The following CLEC16A variants were observed in gnomAD, a reference collection of about 807,000 sequenced individuals.
CLEC16A encodes C-type lectin domain containing 16A.
A neutral mutation model predicts 109.5 loss-of-function variants in CLEC16A; 51 were observed. The observed-to-expected ratio is 0.47, with a 90% confidence interval of 0.37 to 0.59. The LOEUF (loss-of-function observed/expected upper bound fraction) is 0.59. Ranked by LOEUF, CLEC16A falls within the 20% of genes least tolerant of loss-of-function variation. The pLI is 0.00. For synonymous variants in CLEC16A, 673 were observed against 564.2 expected (o/e 1.19, Z -2.73); for missense variants, 1,339 against 1,394.0 (o/e 0.96, Z 0.63).
chr16:11,024,893 C>T lies in CLEC16A; in HGVS notation c.1509C>T (p.Cys503=), dbSNP rs757091029. ...DDDYHALFVL[C]LLYAMSHNKG... ...ATTACCATGCCCTGTTCGTGCTCTG[C>T]CTCCTCTATGCCATGTCTCATAATA... is the stretch of plus-strand genomic sequence containing the variant. Residue 503 remains cysteine (C), a synonymous_variant, in exon 13 of 24, where the codon TGC becomes TGT. Coordinates refer to ENST00000409790, the MANE Select transcript of CLEC16A (RefSeq NM_015226.3). 1 of 1,609,486 alleles carries T rather than the reference C, an allele frequency of 6.2e-7. No individual in the cohort carries two copies. The highest frequency in any genetic ancestry group is 1.1e-5 in the South Asian group (1 of 89,786).
Position 10,971,000 on chromosome 16 carries a change from T to G in CLEC16A, c.493-125T>G, listed in dbSNP as rs1596808634. 7.7e-6 allele frequency: 5 copies of G among 649,706 alleles called. No individual in the cohort carries two copies. The East Asian group carries it at 1.1e-4, about 14-fold the overall frequency. 40.2% of individuals were successfully genotyped at this position (649,706 alleles called of 1,614,324 possible). A position where few individuals can be genotyped will look rare whatever the true frequency, so the allele number is the denominator to read the frequency against. ...ATGAACCACTGACTTACGGTTCACATTGGCAACATTTTTTTTTTTTTTTTT... is the reference window on the plus strand; with the variant it reads ...ATGAACCACTGACTTACGGTTCACAGTGGCAACATTTTTTTTTTTTTTTTT... On this transcript the variant is annotated intron_variant, in intron 4 of 23. Transcript: ENST00000409790.
In CLEC16A at chr16:10,979,357, C is replaced by A; in HGVS notation, c.932C>A (p.Pro311Gln). The A allele has an allele frequency of 4.3e-6, 7 of 1,613,088 alleles. No individual in the cohort carries two copies. Among genetic ancestry groups the A allele is most frequent in the Non-Finnish European group, 5.9e-6 (7 of 1,179,636 alleles). The change falls in exon 9 of 24, where the codon CCG becomes CAG. Residue 311 changes from proline to glutamine, a missense_variant. Physicochemically the swap from Pro to Gln is moderately conservative, Grantham distance 76. Around this residue, in one of 3 missense-constraint regions of CLEC16A, gnomAD observed 161 missense variants for 267.1 expected, o/e 0.60. Transcript: ENST00000409790. ...GGAGAACGGCCGAAAATTAGCCTGC[C>A]GGTGTCTCTTTATCTTCTGTCACAG... is the stretch of plus-strand genomic sequence containing the variant. ...KGGERPKISL[P>Q]VSLYLLSQVF... is the part of the protein sequence containing the mutation.
At chr16:11,127,442 T>A (rs1288774319) in intron 22 of CLEC16A, among the ~76,000 whole-genome samples, 1 of 152,256 alleles carries the variant, frequency 6.6e-6, no homozygotes, top group Non-Finnish European at 1.5e-5. Flanking sequence ...GTCTGTGTGA[T>A]AAATTCCTAG....
chr16:11,028,214 C>A (rs759283096), intron 13 of CLEC16A, among the ~76,000 whole-genome samples: 34 of 152,104 alleles, frequency 2.2e-4, no homozygotes, highest in African/African-American at 7.7e-4. Context: ...AAAGAAAAGA[C>A]AGTAGCTTAT....
chr16:11,094,128 G>A (rs1013996645), intron 19 of CLEC16A, among the ~76,000 whole-genome samples: 5 of 152,140 alleles, frequency 3.3e-5, no homozygotes, highest in African/African-American at 1.2e-4. Flanking sequence ...TCATGCCCTG[G>A]TCTCAACCTT....
intron 3 of CLEC16A, among the ~76,000 whole-genome samples, chr16:10,964,548 C>T (rs557039090): frequency 7.9e-5 from 12 of 152,266 alleles, no homozygotes; most frequent in South Asian, 4.1e-4. Context: ...GTGTTCAGAG[C>T]GAGGCACAGG....
chr16:11,119,082 A>T (rs1252553681), intron 19 of CLEC16A, among the ~76,000 whole-genome samples: 4 of 151,962 alleles, frequency 2.6e-5, no homozygotes, highest in Admixed American at 1.3e-4. Context: ...GCTCACTGCA[A>T]CTTCGCCTCT....
intron 22 of CLEC16A, among the ~76,000 whole-genome samples, chr16:11,145,293 G>T (rs143097626): frequency 6.6e-6 from 1 of 152,186 alleles, no homozygotes; most frequent in African/African-American, 2.4e-5. Flanking sequence ...CGGGCTACCC[G>T]TGGGGCCCGA....
intron 13 of CLEC16A, among the ~76,000 whole-genome samples, chr16:11,025,508 T>C (rs890613634): frequency 2.6e-5 from 4 of 152,184 alleles, no homozygotes; most frequent in African/African-American, 9.7e-5. Flanking sequence ...CTGGGAATAG[T>C]TACTGTTGTT....
At chr16:11,035,715 C>T (rs1296900647) in intron 13 of CLEC16A, among the ~76,000 whole-genome samples, 1 of 152,230 alleles carries the variant, frequency 6.6e-6, no homozygotes, top group African/African-American at 2.4e-5. Context: ...TCAGAGCTTA[C>T]CATGCGAAGG....
Position 10,961,968 on chromosome 16 carries a change from C to CTTTTTTTTTT in CLEC16A, c.210-482_210-473dup, listed in dbSNP as rs5815604. On this transcript the variant is annotated intron_variant, in intron 2 of 23. Transcript: ENST00000409790. The surrounding 1 kb of genome is among the most constrained non-coding windows in gnomAD (Gnocchi z 4.3). ...TTGGGAACTTTTTTTTCTTTTTTTT[C>CTTTTTTTTTT]TTTTTTTTTTTTTTGGCTCTGTCAC... is the stretch of plus-strand genomic sequence containing the variant. Among the ~76,000 whole-genome samples the CTTTTTTTTTT allele has an allele frequency of 1.2e-4, 16 of 135,306 alleles. No homozygotes were observed. The highest frequency in any genetic ancestry group is 1.9e-4 in the Non-Finnish European group (12 of 63,782). The allele number at this position is 135,306 out of a possible 152,430, so 88.8% of individuals were successfully genotyped here.
Position 10,961,048 on chromosome 16 carries a change from ACCCTGTCAAT to A in CLEC16A, c.210-1403_210-1394del, listed in dbSNP as rs543476796. 7.2e-5 allele frequency among the ~76,000 whole-genome samples: 11 copies of A among 152,242 alleles called. No homozygotes were observed. The South Asian group carries it at 2.3e-3, about 32-fold the overall frequency. On this transcript the variant is annotated intron_variant, in intron 2 of 23. Transcript: ENST00000409790. The surrounding 1 kb of genome is among the most constrained non-coding windows in gnomAD (Gnocchi z 4.3). ...GGTTCATGGATTTTATGCTAGACCT[ACCCTGTCAAT>A]CCCCGGGGCAAGATCTAGGTACAGG...
intron 11 of CLEC16A, among the ~76,000 whole-genome samples, chr16:11,017,391 A>G (rs555834016): frequency 2.6e-5 from 4 of 152,234 alleles, no homozygotes; most frequent in Non-Finnish European, 4.4e-5. Flanking sequence ...TGTAAGAGCC[A>G]AGTCACAATG....
intron 5 of CLEC16A, 125 bp from the exon 6 acceptor site, chr16:10,972,429 G>A (rs2042836997): frequency 5.0e-6 from 4 of 792,870 alleles, no homozygotes; most frequent in Non-Finnish European, 8.8e-6. Context: ...TCTCTGTGCA[G>A]ATGCCTCCCA....
intron 16 of CLEC16A, 158 bp downstream of exon 16, chr16:11,044,230 G>A: frequency 1.9e-6 from 1 of 538,914 alleles, no homozygotes; most frequent in Non-Finnish European, 2.9e-6. Flanking sequence ...CCCTAGAGTA[G>A]CAATATCTAA....
intron 13 of CLEC16A, among the ~76,000 whole-genome samples, chr16:11,036,544 C>CTTTTTTTTT (rs71404440): frequency 1.2e-4 from 16 of 131,942 alleles, no homozygotes; most frequent in African/African-American, 4.7e-4. Context: ...TCTAATTTTC[C>CTTTTTTTTT]TTTTTTTTTT....
chr16:10,976,263 C>G (rs1471958333), intron 7 of CLEC16A, among the ~76,000 whole-genome samples: 2 of 151,934 alleles, frequency 1.3e-5, no homozygotes, highest in Non-Finnish European at 2.9e-5. Flanking sequence ...AAACAAGACC[C>G]TATCTCAAAA....
At chr16:10,947,909 T>TC (rs1281901066) in intron 1 of CLEC16A, among the ~76,000 whole-genome samples, 11 of 152,016 alleles carry the variant, frequency 7.2e-5, no homozygotes, top group African/African-American at 1.7e-4. Flanking sequence ...CTTTTTTTTT[T>TC]TGAGATAAGA....
intron 19 of CLEC16A, among the ~76,000 whole-genome samples, chr16:11,113,478 G>A (rs1213267990): frequency 6.6e-6 from 1 of 151,974 alleles, no homozygotes; most frequent in Non-Finnish European, 1.5e-5. Flanking sequence ...GGGCAACATG[G>A]CACAACCCCA....
Sources: gnomAD v4.1 joint callset for allele counts (sites outside exome capture counted in the v4.1 genomes callset) on GRCh38, gnomAD v4.1.1 for gene constraint, gnomAD v4.1.1 regional missense constraint, Gnocchi (gnomAD v3.1) non-coding constraint, MANE v1.5 for transcripts, NCBI Gene and HGNC (gene_info 2026-07-23, HGNC 2026-07-21) for gene names.